The following IL7 variants were observed in gnomAD, a reference collection of about 807,000 sequenced individuals.
The protein encoded by IL7 is interleukin-7.
In IL7, 3 loss-of-function variants were observed where a neutral mutation model predicts 21.6. The observed-to-expected ratio is 0.14, with a 90% CI of 0.06 to 0.36. The LOEUF (loss-of-function observed/expected upper bound fraction) is 0.36. Among genes scored for constraint, IL7 ranks in the 10% least tolerant of loss-of-function variants. The probability of loss-of-function intolerance (pLI) is 1.00; values close to 1 mark genes in which losing one functional copy is unlikely to be tolerated. For synonymous variants in IL7, 62 were observed against 68.1 expected, an observed-to-expected ratio of 0.91 and a Z score of 0.44; for missense variants, 175 against 200.2, an observed-to-expected ratio of 0.87 and a Z score of 0.76.
At chr8:78,769,933 G>A (rs1235849992) in intron 2 of IL7, among the ~76,000 whole-genome samples, 1 of 152,186 alleles carries the variant, frequency 6.6e-6, no homozygotes, top group East Asian at 1.9e-4. Flanking sequence ...AAGCAATGGG[G>A]AAAGGATTCC....
At chr8:78,688,283 G>GTTC (rs1307233750) in intron 3 of IL7, among the ~76,000 whole-genome samples, 1 of 152,054 alleles carries the variant, frequency 6.6e-6, no homozygotes, top group Non-Finnish European at 1.5e-5. Context: ...ATATAAGAGA[G>GTTC]TGAGAGGGTA....
intron 2 of IL7, among the ~76,000 whole-genome samples, chr8:78,746,307 T>A (rs1811976505): frequency 3.9e-5 from 6 of 152,242 alleles, no homozygotes. Context: ...GTCATGTCTG[T>A]AGTCATCTGG....
Position 78,720,077 on chromosome 8 carries a change from G to A in IL7, n.476+943C>T, listed in dbSNP as rs1210554790. Among the ~76,000 whole-genome samples, 8 of 151,878 alleles carry A rather than the reference G, an allele frequency of 5.3e-5. 1 individual carries two copies. The East Asian group carries it at 1.5e-3, about 29-fold the overall frequency. ...GAAACATGGACGTTTCTAGTTAAGA[G>A]CTATACAGTTTAATGGCAAAGTTAT... On this transcript the variant is annotated intron_variant and non_coding_transcript_variant, in intron 5 of 6. Coordinates refer to the IL7 transcript ENST00000519833.
intron 2 of IL7, chr8:78,747,010 G>A: frequency 2.2e-6 from 1 of 456,574 alleles, no homozygotes; most frequent in Non-Finnish European, 4.4e-6. Flanking sequence ...ACATGTGCTA[G>A]AGCTAGCAAA....
chr8:78,711,919 C>A (rs1810961223), intron 3 of IL7: 2 of 970,176 alleles, frequency 2.1e-6, no homozygotes, highest in African/African-American at 1.7e-5. Flanking sequence ...AGAATAATGT[C>A]TTTTAAAAAA....
intron 4 of IL7, among the ~76,000 whole-genome samples, chr8:78,679,956 T>G (rs1006651646): frequency 6.6e-6 from 1 of 152,156 alleles, no homozygotes; most frequent in Non-Finnish European, 1.5e-5. Context: ...TGCCAAATCT[T>G]TGGAAGCAGT....
chr8:78,801,078 G>A (rs886574003), intron 1 of IL7, among the ~76,000 whole-genome samples: 4 of 152,068 alleles, frequency 2.6e-5, no homozygotes, highest in South Asian at 2.1e-4. Flanking sequence ...TATATTACAC[G>A]TACTTTCTCA....
intron 3 of IL7, among the ~76,000 whole-genome samples, chr8:78,699,056 A>G (rs1810519084): frequency 6.6e-6 from 1 of 152,136 alleles, no homozygotes; most frequent in South Asian, 2.1e-4. Context: ...CTTTGTTTGA[A>G]TAGTAAATTA....
At chr8:78,749,169 T>C (rs1812082553) in intron 2 of IL7, among the ~76,000 whole-genome samples, 1 of 152,168 alleles carries the variant, frequency 6.6e-6, no homozygotes, top group African/African-American at 2.4e-5. Context: ...ACTAGTAGTT[T>C]AGTTTCTTAT....
chr8:78,721,332 A>G (rs963404539), intron 4 of IL7: 1 of 152,032 alleles, frequency 6.6e-6, no homozygotes, highest in African/African-American at 2.4e-5. Context: ...CAGAGTATGA[A>G]CAAGAACTGT....
intron 2 of IL7, among the ~76,000 whole-genome samples, chr8:78,754,678 T>C (rs1426344089): frequency 6.6e-6 from 1 of 152,078 alleles, no homozygotes; most frequent in East Asian, 1.9e-4. Flanking sequence ...CAGGTTTTTG[T>C]TGTTGTTTTG....
chr8:78,753,810 A>G (rs887579256), intron 2 of IL7, among the ~76,000 whole-genome samples: 4 of 152,114 alleles, frequency 2.6e-5, no homozygotes, highest in Non-Finnish European at 5.9e-5. Flanking sequence ...CAGTTTTCCC[A>G]GCGCCATTTA....
Position 78,723,566 on chromosome 8 carries a change from CA to C in IL7, n.268-2127del, listed in dbSNP as rs1329588771. On this transcript the variant is annotated intron_variant and non_coding_transcript_variant, in intron 3 of 6. Transcript: ENST00000519833. ...AAATTAACTTTCATAAAGGATTATA[CA>C]AAAGTTTAGAGGGCAGAAAATATTA... Among the ~76,000 whole-genome samples the C allele has an allele frequency of 2.6e-5, 4 of 151,974 alleles. No homozygotes were observed. In the East Asian group the frequency reaches 7.7e-4, roughly 29 times the overall value.
In IL7 at chr8:78,736,575, C is replaced by T. The variant is rs772899171; in HGVS notation, c.361-48G>A. On this transcript the variant is annotated intron_variant, in intron 4 of 5. Coordinates refer to ENST00000263851, the MANE Select transcript of IL7 (RefSeq NM_000880.4). The stretch of plus-strand genomic sequence containing the variant: ...TAATATTGAATATTTCTTCATTGCT[C>T]CTCCAGTTGTTTGTAATTGCTAATT... The T allele has an allele frequency of 2.5e-6, 3 of 1,221,440 alleles. No individual in the cohort carries two copies. In the South Asian group the frequency reaches 4.1e-5, roughly 17 times the overall value. The allele number at this position is 1,221,440 out of a possible 1,614,324, so 75.7% of individuals were successfully genotyped here. A position where few individuals can be genotyped will look rare whatever the true frequency, so the allele number is the denominator to read the frequency against.
At chr8:78,772,478 C>T (rs890872435) in intron 2 of IL7, among the ~76,000 whole-genome samples, 6 of 152,028 alleles carry the variant, frequency 3.9e-5, no homozygotes, top group Non-Finnish European at 1.5e-5. Context: ...AGATAAAGTG[C>T]AACAGTAAGA....
rs191820910 is a variant in IL7 at position 78,687,717 on chromosome 8, C to T, written n.215-1770G>A. Among the ~76,000 whole-genome samples, 58 of 28,320 alleles carry T rather than the reference C, an allele frequency of 2.0e-3. 1 individual carries two copies. Among genetic ancestry groups the T allele is most frequent in the African/African-American group, 5.2e-3 (47 of 9,068 alleles). The allele number at this position is 28,320 out of a possible 152,430, so 18.6% of individuals were successfully genotyped here. A position where few individuals can be genotyped will look rare whatever the true frequency, so the allele number is the denominator to read the frequency against. On this transcript the variant is annotated intron_variant and non_coding_transcript_variant, in intron 3 of 4. Coordinates refer to the IL7 transcript ENST00000523959. The stretch of plus-strand genomic sequence containing the variant: ...ACGTAATACATTATATATATATTTA[C>T]GTAATACATTATATATATTTATGTA...
chr8:78,691,890 A>G (rs945604449), intron 3 of IL7, among the ~76,000 whole-genome samples: 2 of 152,096 alleles, frequency 1.3e-5, no homozygotes, highest in Non-Finnish European at 2.9e-5. Context: ...CCTTATTTAT[A>G]TATTTATTGA....
At chr8:78,748,913 A>G (rs1474047703) in intron 2 of IL7, among the ~76,000 whole-genome samples, 1 of 152,246 alleles carries the variant, frequency 6.6e-6, no homozygotes, top group Non-Finnish European at 1.5e-5. Flanking sequence ...AAAATAAAAT[A>G]TTAAGCAGAT....
intron 2 of IL7, among the ~76,000 whole-genome samples, chr8:78,749,742 G>T (rs993019879): frequency 2.0e-5 from 3 of 152,144 alleles, no homozygotes; most frequent in African/African-American, 7.2e-5. Context: ...TATCAGATGA[G>T]AAAGTCCTCT....
Sources: allele counts gnomAD v4.1 joint callset (sites outside exome capture counted in the v4.1 genomes callset), GRCh38; gene constraint gnomAD v4.1.1; transcripts MANE v1.5; gene names NCBI Gene and HGNC (gene_info 2026-07-23, HGNC 2026-07-21).